The following FUBP3 variants were observed in gnomAD, a reference collection of about 807,000 sequenced individuals.
The protein encoded by FUBP3 is far upstream element-binding protein 3.
FUBP3 carries 28 observed loss-of-function variants against 85.6 expected under a neutral mutation model. The ratio of observed to expected loss-of-function variants is 0.33; its 90% confidence interval spans 0.24 to 0.45. The LOEUF is 0.45. FUBP3 is among the 20% of genes least tolerant of loss of function. The pLI, the probability that FUBP3 is intolerant of heterozygous loss-of-function variation, is 1.00. For missense variants in FUBP3, 583 were observed against 755.1 expected (o/e 0.77, Z 2.67); for synonymous variants, 271 against 271.4 (o/e 1.00, Z 0.01).
chr9:130,616,296 T>C lies in FUBP3; in HGVS notation c.405-59T>C. ...TTCCCTCAGTGCTATTTCCCTGTCT[T>C]GCACACTTAGAGCCTCCATTTAATG... On this transcript the variant is annotated intron_variant, in intron 6 of 18. Transcript: ENST00000319725. This position sits in a 1 kb window ranked among gnomAD's most constrained non-coding sequence, Gnocchi z 4.7. The C allele has an allele frequency of 6.4e-7, 1 of 1,550,596 alleles. No individual in the cohort carries two copies. Among genetic ancestry groups the C allele is most frequent in the Non-Finnish European group, 8.9e-7 (1 of 1,126,114 alleles).
At chr9:130,605,345 G>T (rs1831367692) in intron 2 of FUBP3, among the ~76,000 whole-genome samples, 1 of 152,216 alleles carries the variant, frequency 6.6e-6, no homozygotes, top group Non-Finnish European at 1.5e-5. Flanking sequence ...CACCTGGAAG[G>T]CGCTGACTTG....
At chr9:130,628,101 C>T (rs912228345) in intron 12 of FUBP3, among the ~76,000 whole-genome samples, 3 of 94,826 alleles carry the variant, frequency 3.2e-5, no homozygotes, top group African/African-American at 4.3e-5. Flanking sequence ...CACGCACGCA[C>T]GCGCACACAC....
At chr9:130,596,699 C>T (rs750727211) in intron 2 of FUBP3, 10 of 443,512 alleles carry the variant, frequency 2.3e-5, no homozygotes, top group African/African-American at 6.2e-5. Context: ...GACTTGTTTG[C>T]AAATCTCAAT....
Position 130,630,672 on chromosome 9 carries a change from G to A in FUBP3, c.1162G>A (p.Val388Met), listed in dbSNP as rs770887643. Residue 388 changes from valine (V) to methionine (M), a missense_variant, in exon 13 of 19, where the codon GTG becomes ATG. Physicochemically the swap from Val to Met is conservative, Grantham distance 21. Coordinates refer to ENST00000319725, the MANE Select transcript of FUBP3 (RefSeq NM_003934.2). ...KSINQQSGAH[V>M]ELQRNPPPNS... Reference sequence around the variant, plus strand: ...CATCAACCAGCAGTCAGGGGCGCACGTGGAGCTTCAGAGGAACCCCCCTCC... The same window carrying A: ...CATCAACCAGCAGTCAGGGGCGCACATGGAGCTTCAGAGGAACCCCCCTCC... The A allele has an allele frequency of 6.2e-6, 10 of 1,600,810 alleles. No homozygotes were observed. The highest frequency in any genetic ancestry group is 4.1e-5 in the African/African-American group (3 of 73,650).
chr9:130,582,459 A>G (rs555316920), intron 1 of FUBP3, among the ~76,000 whole-genome samples: 48 of 110,374 alleles, frequency 4.3e-4, no homozygotes, highest in African/African-American at 1.6e-3. Context: ...TCAAAAAAAA[A>G]AAAAGAAAAA....
chr9:130,627,264 C>G (rs1474719586), intron 12 of FUBP3, among the ~76,000 whole-genome samples: 1 of 152,254 alleles, frequency 6.6e-6, no homozygotes, highest in Non-Finnish European at 1.5e-5. Context: ...TTCCGTGGGG[C>G]TCTGAGCCAG....
intron 11 of FUBP3, among the ~76,000 whole-genome samples, chr9:130,624,599 T>G (rs966333957): frequency 6.7e-6 from 1 of 148,808 alleles, no homozygotes; most frequent in Non-Finnish European, 1.5e-5. Context: ...TCTTAAAATG[T>G]TACAAGATTT....
chr9:130,631,619 A>G lies in FUBP3; in HGVS notation c.1341A>G (p.Pro447=), dbSNP rs764708977. ...GQSPFSQPPA[P]PHQNTFPPRS... The stretch of plus-strand genomic sequence containing the variant: ...GTCCATTCAGCCAGCCACCTGCCCC[A>G]CCTCATCAAAAGTGAGTCTTTTGCA... Residue 447 remains proline (P), a synonymous_variant, in exon 14 of 19, where the codon CCA becomes CCG. Coordinates refer to ENST00000319725, the MANE Select transcript of FUBP3 (RefSeq NM_003934.2). The G allele has an allele frequency of 6.2e-7, 1 of 1,612,736 alleles. No homozygotes were observed. Among genetic ancestry groups the G allele is most frequent in the Non-Finnish European group, 8.5e-7 (1 of 1,178,776 alleles).
At chr9:130,623,564 C>A in intron 10 of FUBP3, 47 bp from the exon 11 acceptor site, 1 of 1,218,830 alleles carries the variant, frequency 8.2e-7, no homozygotes, top group Non-Finnish European at 1.2e-6. Flanking sequence ...TTGTTTCCTT[C>A]TAACGTTGGG....
At chr9:130,623,838 C>G (rs1829858748) in intron 11 of FUBP3, 127 bp downstream of exon 11, 7 of 512,938 alleles carry the variant, frequency 1.4e-5, no homozygotes, top group Non-Finnish European at 1.7e-5. Context: ...GGGAAACCAG[C>G]AGTTTCTCTA....
At position 130,612,285 on chromosome 9, in the gene FUBP3, G is replaced by A. The variant is rs1205567076; in HGVS notation, c.225-171G>A. 1.3e-5 allele frequency among the ~76,000 whole-genome samples: 2 copies of A among 152,166 alleles called. No homozygotes were observed. The highest frequency in any genetic ancestry group is 1.9e-4 in the East Asian group (1 of 5,192). ...CTTTGGAAGGAGTGATTGACCAGAC[G>A]GTTCATTACGTGACACTCTTTGTAG... On this transcript the variant is annotated intron_variant, in intron 3 of 18. Transcript: ENST00000319725. The surrounding 1 kb of genome is among the most constrained non-coding windows in gnomAD (Gnocchi z 4.1).
intron 16 of FUBP3, 77 bp downstream of exon 16, chr9:130,632,355 TC>T: frequency 9.0e-7 from 1 of 1,112,260 alleles, no homozygotes. Context: ...CAAAACGCCC[TC>T]GTTCAACTCA....
At position 130,630,256 on chromosome 9, in the gene FUBP3, C is replaced by G. The variant is rs576016751; in HGVS notation, c.1118-372C>G. 3.9e-5 allele frequency among the ~76,000 whole-genome samples: 6 copies of G among 152,328 alleles called. No individual in the cohort carries two copies. In the East Asian group the frequency reaches 7.7e-4, roughly 20 times the overall value. On this transcript the variant is annotated intron_variant, in intron 12 of 18. Transcript: ENST00000319725. ...TTGTGCTAAGAAGGGCAGTGCCATCCCTGGCTGGGCGGGAGCCCCACAGCT... is the reference window on the plus strand; with the variant it reads ...TTGTGCTAAGAAGGGCAGTGCCATCGCTGGCTGGGCGGGAGCCCCACAGCT...
chr9:130,602,916 A>G (rs1281569420), intron 2 of FUBP3, among the ~76,000 whole-genome samples: 1 of 151,948 alleles, frequency 6.6e-6, no homozygotes, highest in Non-Finnish European at 1.5e-5. Context: ...CCTTCCTGCC[A>G]CGCCCCTTCT....
intron 2 of FUBP3, among the ~76,000 whole-genome samples, chr9:130,598,505 G>T (rs1233198462): frequency 6.6e-6 from 1 of 152,194 alleles, no homozygotes; most frequent in Non-Finnish European, 1.5e-5. Flanking sequence ...TTTTTACGTT[G>T]CTGTCTCAAG....
intron 12 of FUBP3, among the ~76,000 whole-genome samples, chr9:130,627,915 C>T (rs538500314): frequency 1.6e-4 from 25 of 152,258 alleles, no homozygotes; most frequent in South Asian, 2.1e-4. Context: ...AGCAGCCCCT[C>T]GTAGTTGGTC....
rs148955713 is a variant in FUBP3 at position 130,587,221 on chromosome 9, C to T, written c.84+7457C>T. On this transcript the variant is annotated intron_variant, in intron 1 of 18. Coordinates refer to ENST00000319725, the MANE Select transcript of FUBP3 (RefSeq NM_003934.2). ...CTGGGACTGCAGGCGTGCACCATCA[C>T]GCCTAGCTAATTTTTGTATTTTCTG... Among the ~76,000 whole-genome samples the T allele has an allele frequency of 2.3e-3, 343 of 152,060 alleles. 9 individuals carry two copies. The East Asian group carries it at 0.051, about 23-fold the overall frequency.
chr9:130,580,028 G>GC (rs1181572336), intron 1 of FUBP3, among the ~76,000 whole-genome samples: 1 of 152,226 alleles, frequency 6.6e-6, no homozygotes, highest in Non-Finnish European at 1.5e-5. Flanking sequence ...GCCCCATCGT[G>GC]CCCCAGCGGC....
intron 5 of FUBP3, 33 bp downstream of exon 5, chr9:130,613,060 G>A (rs2304812): frequency 0.28 from 384,645 of 1,378,778 alleles, 60,235 homozygotes; most frequent in African/African-American, 0.65. Flanking sequence ...TATCAATTTT[G>A]TAGAAATCAG....
Sources: gnomAD v4.1 joint callset for allele counts (sites outside exome capture counted in the v4.1 genomes callset) on GRCh38, gnomAD v4.1.1 for gene constraint, Gnocchi (gnomAD v3.1) non-coding constraint, MANE v1.5 for transcripts, NCBI Gene and HGNC (gene_info 2026-07-23, HGNC 2026-07-21) for gene names.